SIL1: variants seen among roughly 807,000 people sequenced by gnomAD.
The protein encoded by SIL1 is nucleotide exchange factor SIL1.
In SIL1, 40 loss-of-function variants were observed where a neutral mutation model predicts 49.1. The ratio of observed to expected loss-of-function variants is 0.81; its 90% confidence interval spans 0.63 to 1.06. The LOEUF (loss-of-function observed/expected upper bound fraction) is 1.06. SIL1 is among the 50% of genes least tolerant of loss of function. SIL1 has a pLI of 0.00. For synonymous variants in SIL1, 253 were observed against 250.8 expected, an observed-to-expected ratio of 1.01 and a Z score of -0.08; for missense variants, 500 against 572.6, an observed-to-expected ratio of 0.87 and a Z score of 1.29.
chr5:139,165,759 G>A (rs1410495892), intron 1 of SIL1, among the ~76,000 whole-genome samples: 1 of 152,148 alleles, frequency 6.6e-6, no homozygotes, highest in Admixed American at 6.5e-5. Flanking sequence ...CTGTGTTCAA[G>A]TGATTCTCCT....
At chr5:138,984,504 A>G (rs569997983) in intron 7 of SIL1, among the ~76,000 whole-genome samples, 4 of 152,040 alleles carry the variant, frequency 2.6e-5, no homozygotes, top group Non-Finnish European at 5.9e-5. Context: ...GACTACAGGC[A>G]TGTGCCACCA....
Position 139,169,799 on chromosome 5 carries a change from G to GA in SIL1, c.-11+28469dup, listed in dbSNP as rs1289154781. On this transcript the variant is annotated intron_variant, in intron 1 of 9. Coordinates refer to ENST00000394817, the MANE Select transcript of SIL1 (RefSeq NM_022464.5). ...CCCGGCCCAAGTATGGTATATTTAA[G>GA]AAAAAAAAAAGCTCTACTCCCTCTC... 1.7e-4 allele frequency among the ~76,000 whole-genome samples: 25 copies of GA among 145,138 alleles called. No homozygotes were observed. The East Asian group carries it at 1.9e-3, about 11-fold the overall frequency.
At chr5:139,148,658 T>C (rs558910538) in intron 1 of SIL1, among the ~76,000 whole-genome samples, 38 of 152,330 alleles carry the variant, frequency 2.5e-4, no homozygotes, top group Middle Eastern at 3.4e-3. Context: ...CACCGGGTCA[T>C]GAATAAGAAA....
chr5:139,189,395 G>C (rs1004227930), intron 1 of SIL1, among the ~76,000 whole-genome samples: 1 of 152,192 alleles, frequency 6.6e-6, no homozygotes, highest in Non-Finnish European at 1.5e-5. Context: ...CTCCTTATGA[G>C]AATCTAATGC....
chr5:138,990,417 C>A lies in SIL1; in HGVS notation c.767+30754G>T, dbSNP rs148446210. 2.6e-5 allele frequency among the ~76,000 whole-genome samples: 4 copies of A among 152,284 alleles called. No homozygotes were observed. The East Asian group carries it at 7.7e-4, about 29-fold the overall frequency. On this transcript the variant is annotated intron_variant, in intron 7 of 9. Coordinates refer to ENST00000394817, the MANE Select transcript of SIL1 (RefSeq NM_022464.5). Reference sequence around the variant, plus strand: ...CTGGGGAGGACTGCTGGGAATTGGGCAGATGACTTTCATTCTATTTTCTAG... The same window carrying A: ...CTGGGGAGGACTGCTGGGAATTGGGAAGATGACTTTCATTCTATTTTCTAG...
At chr5:139,195,387 G>T (rs999530915) in intron 1 of SIL1, among the ~76,000 whole-genome samples, 17 of 149,524 alleles carry the variant, frequency 1.1e-4, no homozygotes, top group Admixed American at 4.0e-4. Context: ...AGTTTTTTTT[G>T]TTTTGTTTTG....
At chr5:138,970,199 C>T (rs1451700918) in intron 7 of SIL1, among the ~76,000 whole-genome samples, 1 of 152,214 alleles carries the variant, frequency 6.6e-6, no homozygotes, top group Non-Finnish European at 1.5e-5. Flanking sequence ...GGATTCACTG[C>T]CACCAACAAA....
At chr5:138,992,441 AGTT>A (rs1452021329) in intron 7 of SIL1, among the ~76,000 whole-genome samples, 5 of 152,146 alleles carry the variant, frequency 3.3e-5, no homozygotes, top group East Asian at 1.9e-4. Flanking sequence ...TCACTCTGGC[AGTT>A]GTTGTGAGGA....
intron 3 of SIL1, among the ~76,000 whole-genome samples, chr5:139,098,146 AG>A (rs1407339142): frequency 6.6e-6 from 1 of 152,222 alleles, no homozygotes; most frequent in Non-Finnish European, 1.5e-5. Context: ...AGCTATTCTT[AG>A]CAAAAAGAAC....
chr5:139,195,594 A>G lies in SIL1; in HGVS notation c.-11+2675T>C, dbSNP rs879122012. On this transcript the variant is annotated intron_variant, in intron 1 of 9. Coordinates refer to ENST00000394817, the MANE Select transcript of SIL1 (RefSeq NM_022464.5). Reference sequence around the variant, plus strand: ...AGTAGAGACGGGGTTTCACCGTGTTAGCCAGGATGGTCTCGATCTCCTGAC... The same window carrying G: ...AGTAGAGACGGGGTTTCACCGTGTTGGCCAGGATGGTCTCGATCTCCTGAC... Among the ~76,000 whole-genome samples, 18 of 151,930 alleles carry G rather than the reference A, an allele frequency of 1.2e-4. No individual in the cohort carries two copies. The South Asian group carries it at 1.9e-3, about 16-fold the overall frequency.
intron 7 of SIL1, among the ~76,000 whole-genome samples, chr5:138,952,758 C>CA (rs1358312652): frequency 1.3e-5 from 2 of 152,268 alleles, no homozygotes; most frequent in Non-Finnish European, 2.9e-5. Context: ...TAAAACATTT[C>CA]AGGCCCAGAC....
rs1342124010 is a variant in SIL1, at chr5:139,009,171, G to T, written c.767+12000C>A. Among the ~76,000 whole-genome samples, 3 of 149,506 alleles carry T rather than the reference G, an allele frequency of 2.0e-5. No homozygotes were observed. In the East Asian group the frequency reaches 5.9e-4, roughly 29 times the overall value. ...CTGTATTGGGTGCATATATATTTAG[G>T]ATAGTTAGCTCTTCTTGTTGAATTG... On this transcript the variant is annotated intron_variant, in intron 7 of 9. Transcript: ENST00000394817.
intron 1 of SIL1, among the ~76,000 whole-genome samples, chr5:139,162,840 C>A (rs902429705): frequency 6.6e-6 from 1 of 151,870 alleles, no homozygotes. Flanking sequence ...ACAGAGTCAA[C>A]AAGAAGCAGA....
chr5:139,174,937 CAAAAAAAAAAAAAA>C (rs56959325), intron 1 of SIL1, among the ~76,000 whole-genome samples: 1 of 59,850 alleles, frequency 1.7e-5, no homozygotes, highest in South Asian at 5.7e-4. Flanking sequence ...GACTGTGTCT[CAAAAAAAAAAAAAA>C]AAAAAAAAAG....
At chr5:139,178,023 G>A (rs1358113024) in intron 1 of SIL1, among the ~76,000 whole-genome samples, 1 of 152,232 alleles carries the variant, frequency 6.6e-6, no homozygotes, top group African/African-American at 2.4e-5. Flanking sequence ...TGGTGACACA[G>A]CAGGTTACAA....
intron 7 of SIL1, among the ~76,000 whole-genome samples, chr5:139,010,687 G>GAC (rs1768235751): frequency 6.7e-6 from 1 of 150,020 alleles, no homozygotes; most frequent in Non-Finnish European, 1.5e-5. Flanking sequence ...TAACAGACAG[G>GAC]ACCCTCAGCT....
intron 3 of SIL1, among the ~76,000 whole-genome samples, chr5:139,108,445 G>A (rs532354375): frequency 9.9e-5 from 15 of 152,270 alleles, no homozygotes; most frequent in East Asian, 7.7e-4. Context: ...CAACACAAAC[G>A]GACACCTTGT....
intron 7 of SIL1, among the ~76,000 whole-genome samples, chr5:138,965,400 C>T (rs781091183): frequency 3.9e-5 from 6 of 152,102 alleles, no homozygotes; most frequent in Non-Finnish European, 7.4e-5. Flanking sequence ...CTTTCAGGGT[C>T]CTCTATTAAA....
At chr5:139,155,647 G>C (rs1447843062) in intron 1 of SIL1, among the ~76,000 whole-genome samples, 2 of 152,114 alleles carry the variant, frequency 1.3e-5, no homozygotes, top group Non-Finnish European at 2.9e-5. Flanking sequence ...CAAGCATTCA[G>C]TCATTAATAC....
Sources: gnomAD v4.1 joint callset for allele counts (sites outside exome capture counted in the v4.1 genomes callset) on GRCh38, gnomAD v4.1.1 for gene constraint, MANE v1.5 for transcripts, NCBI Gene and HGNC (gene_info 2026-07-23, HGNC 2026-07-21) for gene names.